DAAM1: variants seen among roughly 807,000 people sequenced by gnomAD.
DAAM1 encodes disheveled-associated activator of morphogenesis 1.
A neutral mutation model predicts 130.0 loss-of-function variants in DAAM1; 52 were observed. The observed-to-expected ratio is 0.40, with a 90% confidence interval of 0.32 to 0.50. The LOEUF (loss-of-function observed/expected upper bound fraction) is 0.50, where lower values mean the gene tolerates loss of function less well. Ranked by LOEUF, DAAM1 falls within the 20% of genes least tolerant of loss-of-function variation. The pLI, the probability that DAAM1 is intolerant of heterozygous loss-of-function variation, is 0.61. For missense variants in DAAM1, 1,134 were observed against 1,303.8 expected (o/e 0.87, Z 2.01); for synonymous variants, 452 against 444.5 (o/e 1.02, Z -0.21).
At chr14:59,348,733 G>C (rs563924885) in intron 17 of DAAM1, among the ~76,000 whole-genome samples, 15 of 152,112 alleles carry the variant, frequency 9.9e-5, no homozygotes, top group Non-Finnish European at 2.1e-4. Flanking sequence ...TCTGGGTAGA[G>C]TGCCTGTCTG....
In DAAM1 at chr14:59,363,684, C is replaced by A. The variant is rs200150249; in HGVS notation, c.2728C>A (p.Pro910Thr). ...LEYQKSQPPQPGDKFVSVVSQ... is the reference protein window; with the variant it reads ...LEYQKSQPPQTGDKFVSVVSQ... ...ATATCAGAAGTCTCAGCCCCCACAG[C>A]CCGGAGATAAGTTTGTGTCTGTTGT... Residue 910 changes from proline (P) to threonine (T), a missense_variant, in exon 23 of 25, where the codon CCC becomes ACC. By Grantham distance (38) the Pro-to-Thr change is conservative (BLOSUM62 -1). Coordinates refer to ENST00000360909, the MANE Select transcript of DAAM1 (RefSeq NM_001270520.2). The A allele has an allele frequency of 6.2e-7, 1 of 1,614,108 alleles. No individual in the cohort carries two copies. Among genetic ancestry groups the A allele is most frequent in the South Asian group, 1.1e-5 (1 of 91,082 alleles).
intron 1 of DAAM1, among the ~76,000 whole-genome samples, chr14:59,207,573 C>T (rs756115204): frequency 4.6e-5 from 7 of 152,162 alleles, no homozygotes; most frequent in African/African-American, 7.2e-5. Flanking sequence ...ATGACTTCAT[C>T]GTGGGTATTA....
chr14:59,241,122 A>G (rs1389368258), intron 1 of DAAM1, among the ~76,000 whole-genome samples: 2 of 152,206 alleles, frequency 1.3e-5, no homozygotes, highest in Non-Finnish European at 2.9e-5. Flanking sequence ...CCTGTGGTGT[A>G]CTGCAGGCGG....
At chr14:59,359,997 G>A (rs1886641698) in intron 21 of DAAM1, among the ~76,000 whole-genome samples, 1 of 152,144 alleles carries the variant, frequency 6.6e-6, no homozygotes, top group Admixed American at 6.5e-5. Context: ...TTTCCTTGCT[G>A]TTTTTCCCTC....
intron 2 of DAAM1, among the ~76,000 whole-genome samples, chr14:59,284,223 A>G (rs1883346141): frequency 6.6e-6 from 1 of 152,144 alleles, no homozygotes; most frequent in South Asian, 2.1e-4. Flanking sequence ...TTATTAGGAC[A>G]TAAGTGTTCG....
At chr14:59,365,194 G>GTGGAACTTTAATCTGGGCCTGGTTTTC in intron 23 of DAAM1, among the ~76,000 whole-genome samples, 1 of 152,162 alleles carries the variant, frequency 6.6e-6, no homozygotes, top group South Asian at 2.1e-4. Context: ...TGTGTAGGGG[G>GTGGAACTTTAATCTGGGCCTGGTTTTC]TGGAACTTTA....
chr14:59,300,569 C>T (rs187551607), intron 3 of DAAM1, among the ~76,000 whole-genome samples: 4 of 152,108 alleles, frequency 2.6e-5, no homozygotes, highest in East Asian at 1.9e-4. Flanking sequence ...ATTGTGAAAA[C>T]GTTAAATATA....
At chr14:59,300,319 A>G (rs1487940344) in intron 3 of DAAM1, among the ~76,000 whole-genome samples, 1 of 152,232 alleles carries the variant, frequency 6.6e-6, no homozygotes, top group East Asian at 1.9e-4. Flanking sequence ...TCAATAGAGC[A>G]TTCTAGCTGT....
At chr14:59,337,408 T>G (rs1234319977) in intron 15 of DAAM1, among the ~76,000 whole-genome samples, 1 of 152,148 alleles carries the variant, frequency 6.6e-6, no homozygotes, top group Non-Finnish European at 1.5e-5. Flanking sequence ...CTAGAGGAAT[T>G]GTGTGAAACA....
chr14:59,368,976 T>C lies in DAAM1; in HGVS notation c.*117T>C, dbSNP rs560060368. 4.3e-5 allele frequency: 35 copies of C among 822,002 alleles called. No homozygotes were observed. In the African/African-American group the frequency reaches 4.7e-4, roughly 11 times the overall value. The allele number at this position is 822,002 out of a possible 1,614,324, so 50.9% of individuals were successfully genotyped here. ...GGCAATTTTTTCCTTCATCTGTGAG[T>C]GAATGTGTGAACGTGTGTATGTAAA... On this transcript the variant is annotated 3_prime_UTR_variant, in exon 25 of 25. Coordinates refer to ENST00000360909, the MANE Select transcript of DAAM1 (RefSeq NM_001270520.2).
chr14:59,273,422 ATGT>A (rs1293849254), intron 2 of DAAM1, among the ~76,000 whole-genome samples: 2 of 152,326 alleles, frequency 1.3e-5, no homozygotes, highest in East Asian at 3.9e-4. Context: ...AAACATGAAA[ATGT>A]TGTTTTTAAA....
intron 3 of DAAM1, among the ~76,000 whole-genome samples, chr14:59,311,390 T>A (rs1235538610): frequency 1.3e-5 from 2 of 152,104 alleles, no homozygotes; most frequent in Non-Finnish European, 2.9e-5. Context: ...ACAGAGACAT[T>A]CCAGATGCTG....
At chr14:59,259,022 A>C (rs1344715526) in intron 1 of DAAM1, among the ~76,000 whole-genome samples, 1 of 152,184 alleles carries the variant, frequency 6.6e-6, no homozygotes, top group Non-Finnish European at 1.5e-5. Flanking sequence ...TTAAGACTTG[A>C]AAAATGCTCT....
At chr14:59,259,472 G>A (rs1882067680) in intron 1 of DAAM1, among the ~76,000 whole-genome samples, 1 of 152,140 alleles carries the variant, frequency 6.6e-6, no homozygotes, top group Admixed American at 6.5e-5. Context: ...CTCATTTCCT[G>A]GTAGCCTGAA....
At chr14:59,211,711 A>G (rs990132251) in intron 1 of DAAM1, among the ~76,000 whole-genome samples, 6 of 152,224 alleles carry the variant, frequency 3.9e-5, no homozygotes, top group African/African-American at 7.2e-5. Flanking sequence ...CTATGAATAA[A>G]TAACACCTCC....
intron 16 of DAAM1, among the ~76,000 whole-genome samples, chr14:59,342,435 A>G (rs1353126768): frequency 2.0e-5 from 3 of 152,202 alleles, no homozygotes; most frequent in African/African-American, 4.8e-5. Flanking sequence ...AGATTTAATT[A>G]TAATTTGTAT....
chr14:59,263,764 A>G (rs781310363), intron 2 of DAAM1, 104 bp downstream of exon 2: 20 of 1,409,518 alleles, frequency 1.4e-5, no homozygotes, highest in South Asian at 2.4e-5. Context: ...TTTCCTTTTC[A>G]GTGAAATGGC....
At chr14:59,299,397 G>A (rs1324579717) in intron 3 of DAAM1, among the ~76,000 whole-genome samples, 1 of 152,140 alleles carries the variant, frequency 6.6e-6, no homozygotes, top group Admixed American at 6.5e-5. Flanking sequence ...AAAATTAAAT[G>A]TAATAATATG....
rs915100074 is a variant in DAAM1 at position 59,272,652 on chromosome 14, T to C, written c.183+8992T>C. Among the ~76,000 whole-genome samples, 23 of 150,924 alleles carry C rather than the reference T, an allele frequency of 1.5e-4. No individual in the cohort carries two copies. The East Asian group carries it at 4.3e-3, about 28-fold the overall frequency. On this transcript the variant is annotated intron_variant, in intron 2 of 24. Transcript: ENST00000360909. ...ACACATACACACATATATATGTATG[T>C]ATGTATGTATGTATGTAGGAGAGAG...
Sources: gnomAD v4.1 joint callset for allele counts (sites outside exome capture counted in the v4.1 genomes callset) on GRCh38, gnomAD v4.1.1 for gene constraint, MANE v1.5 for transcripts, NCBI Gene and HGNC (gene_info 2026-07-23, HGNC 2026-07-21) for gene names.